Variants in RAPGEF5 observed in about 807,000 individuals in gnomAD.
The protein encoded by RAPGEF5 is Rap guanine nucleotide exchange factor 5.
RAPGEF5 carries 65 observed loss-of-function variants against 125.2 expected under a neutral mutation model. The observed-to-expected ratio is 0.52, with a 90% CI of 0.43 to 0.64. The LOEUF is 0.64. Ranked by LOEUF, RAPGEF5 falls within the 30% of genes least tolerant of loss-of-function variation. The probability of loss-of-function intolerance (pLI) is 0.00; values close to 1 mark genes in which losing one functional copy is unlikely to be tolerated. For synonymous variants in RAPGEF5, 391 were observed against 385.9 expected (o/e 1.01, Z -0.16); for missense variants, 958 against 1,048.1 (o/e 0.91, Z 1.19).
chr7:22,155,735 G>C (rs2128109176), intron 16 of RAPGEF5, among the ~76,000 whole-genome samples: 1 of 152,342 alleles, frequency 6.6e-6, no homozygotes, highest in South Asian at 2.1e-4. Flanking sequence ...AGACTAGTGA[G>C]AGAGAAAAAG....
intron 1 of RAPGEF5, among the ~76,000 whole-genome samples, chr7:22,349,879 T>G (rs895717910): frequency 6.6e-6 from 1 of 152,192 alleles, no homozygotes; most frequent in Non-Finnish European, 1.5e-5. Flanking sequence ...TGGATTGTAA[T>G]TTCCTCATAG....
intron 1 of RAPGEF5, among the ~76,000 whole-genome samples, chr7:22,334,579 C>A (rs1031846143): frequency 1.3e-5 from 2 of 152,224 alleles, no homozygotes; most frequent in East Asian, 1.9e-4. Context: ...TGGACAGCAG[C>A]CTGGCATTTA....
intron 1 of RAPGEF5, among the ~76,000 whole-genome samples, chr7:22,355,322 T>C (rs149494779): frequency 5.9e-5 from 9 of 152,180 alleles, no homozygotes; most frequent in Non-Finnish European, 7.4e-5. Context: ...ATACTATAGA[T>C]CTATTTATAC....
At position 22,230,922 on chromosome 7, in the gene RAPGEF5, T is replaced by TA. The variant is rs769659545; in HGVS notation, c.797-4dup. 3.1e-5 allele frequency: 48 copies of TA among 1,554,630 alleles called. No individual in the cohort carries two copies. Among genetic ancestry groups the TA allele is most frequent in the African/African-American group, 2.5e-4 (18 of 73,394 alleles). The stretch of plus-strand genomic sequence containing the variant: ...GTTTTCTTCATCTTGTTCAATTGCT[T>TA]AAAAAAAAGAACACCATTAAACAAA... On this transcript the variant is annotated splice_polypyrimidine_tract_variant and splice_region_variant and intron_variant, in intron 7 of 25. Transcript: ENST00000665637.
intron 16 of RAPGEF5, among the ~76,000 whole-genome samples, chr7:22,156,494 T>C (rs765130168): frequency 6.6e-6 from 1 of 152,132 alleles, no homozygotes; most frequent in East Asian, 1.9e-4. Flanking sequence ...AGGGAGGAGA[T>C]GGTTCTAGGA....
chr7:22,187,055 ATAC>A (rs1784845866), intron 11 of RAPGEF5, among the ~76,000 whole-genome samples: 1 of 152,218 alleles, frequency 6.6e-6, no homozygotes, highest in Admixed American at 6.5e-5. Context: ...TCTAAGCTTA[ATAC>A]CCCGTTAACA....
intron 5 of RAPGEF5, among the ~76,000 whole-genome samples, chr7:22,305,803 T>C (rs146341052): frequency 2.0e-5 from 3 of 152,292 alleles, no homozygotes; most frequent in Non-Finnish European, 4.4e-5. Flanking sequence ...GAACATGCAA[T>C]GTTTGTCTTT....
At chr7:22,331,391 C>A (rs1005311013) in intron 1 of RAPGEF5, among the ~76,000 whole-genome samples, 1 of 152,164 alleles carries the variant, frequency 6.6e-6, no homozygotes, top group African/African-American at 2.4e-5. Flanking sequence ...TCTTTCTATA[C>A]CCTCTTAAGT....
chr7:22,341,714 T>C lies in RAPGEF5; in HGVS notation c.231+15116A>G, dbSNP rs147714990. Among the ~76,000 whole-genome samples the C allele has an allele frequency of 2.0e-4, 31 of 152,318 alleles. 1 individual carries two copies. The East Asian group carries it at 6.0e-3, about 29-fold the overall frequency. ...AAAATCCAGCAGGGCTGTCAAATCT[T>C]AAAGGTCCAAAATGATCTCTTTTGA... On this transcript the variant is annotated intron_variant, in intron 1 of 25. Transcript: ENST00000665637.
At chr7:22,256,963 A>T (rs1786778125) in intron 7 of RAPGEF5, among the ~76,000 whole-genome samples, 1 of 152,210 alleles carries the variant, frequency 6.6e-6, no homozygotes, top group Admixed American at 6.5e-5. Flanking sequence ...AAATTACAAC[A>T]AATAGATTTT....
At chr7:22,314,630 C>A in intron 3 of RAPGEF5, 1 of 982,414 alleles carries the variant, frequency 1.0e-6, no homozygotes, top group Non-Finnish European at 1.2e-6. Flanking sequence ...TATTGCACGT[C>A]ATTTCTTTGA....
chr7:22,355,201 A>T (rs1461727568), intron 1 of RAPGEF5, among the ~76,000 whole-genome samples: 1 of 152,254 alleles, frequency 6.6e-6, no homozygotes, highest in Non-Finnish European at 1.5e-5. Context: ...AGCATACATT[A>T]TCTGAGGTAA....
intron 8 of RAPGEF5, 21 bp from the exon 9 acceptor site, chr7:22,220,012 C>A (rs754035611): frequency 6.2e-7 from 1 of 1,612,462 alleles, no homozygotes; most frequent in African/African-American, 1.3e-5. Context: ...GGAGAAAAAG[C>A]GAAGATATAC....
intron 12 of RAPGEF5, among the ~76,000 whole-genome samples, chr7:22,163,806 G>T (rs1186033354): frequency 3.3e-5 from 5 of 152,152 alleles, no homozygotes; most frequent in Non-Finnish European, 5.9e-5. Flanking sequence ...ACACTTGAGG[G>T]TTGTTGGACA....
At chr7:22,326,147 G>C (rs941554665) in intron 1 of RAPGEF5, among the ~76,000 whole-genome samples, 1 of 152,174 alleles carries the variant, frequency 6.6e-6, no homozygotes, top group Non-Finnish European at 1.5e-5. Flanking sequence ...AACAATAAAG[G>C]TGTGATAGTG....
intron 5 of RAPGEF5, among the ~76,000 whole-genome samples, chr7:22,300,666 C>T (rs909250794): frequency 6.6e-5 from 10 of 152,070 alleles, no homozygotes; most frequent in Admixed American, 2.6e-4. Flanking sequence ...TTAATGAAAC[C>T]CTTCCCTAGG....
chr7:22,242,432 G>A (rs375088125), intron 7 of RAPGEF5, among the ~76,000 whole-genome samples: 3 of 152,228 alleles, frequency 2.0e-5, no homozygotes, highest in African/African-American at 7.2e-5. Flanking sequence ...GAGGCCATAG[G>A]GTTTAAGTTC....
At chr7:22,217,967 C>A (rs10242511) in intron 9 of RAPGEF5, among the ~76,000 whole-genome samples, 5 of 148,886 alleles carry the variant, frequency 3.4e-5, no homozygotes, top group African/African-American at 1.2e-4. Flanking sequence ...ATGTAGATTT[C>A]TTTTTTTTTT....
chr7:22,255,200 C>G (rs1004064573), intron 7 of RAPGEF5, among the ~76,000 whole-genome samples: 21 of 152,062 alleles, frequency 1.4e-4, no homozygotes, highest in Admixed American at 3.9e-4. Context: ...AAGATGTATC[C>G]TATATGATCT....
Sources: allele counts gnomAD v4.1 joint callset (sites outside exome capture counted in the v4.1 genomes callset), GRCh38; gene constraint gnomAD v4.1.1; transcripts MANE v1.5; gene names NCBI Gene and HGNC (gene_info 2026-07-23, HGNC 2026-07-21).